Variants in JADE1 observed in about 807,000 individuals in gnomAD.
The protein encoded by JADE1 is jade family PHD finger 1.
A neutral mutation model predicts 81.8 loss-of-function variants in JADE1; 14 were observed. The observed-to-expected ratio is 0.17, with a 90% confidence interval of 0.11 to 0.27. The LOEUF is 0.27. Ranked by LOEUF, JADE1 falls within the 10% of genes least tolerant of loss-of-function variation. JADE1 has a pLI of 1.00. For missense variants in JADE1, 690 were observed against 1,047.9 expected (o/e 0.66, Z 4.71); for synonymous variants, 353 against 391.9 (o/e 0.90, Z 1.17).
intron 1 of JADE1, 195 bp from the exon 2 acceptor site, chr4:128,831,538 C>T (rs1218607019): frequency 7.4e-6 from 4 of 537,396 alleles, no homozygotes; most frequent in Non-Finnish European, 1.3e-5. Flanking sequence ...ACCCCTCCCC[C>T]TCCTTTTTTA....
chr4:128,871,828 A>G lies in JADE1; in HGVS notation c.2095A>G (p.Arg699Gly), dbSNP rs781255700. ...DVSQRHLDNT[R>G]AATSPGVGQS... ...GTCCCAGAGGCATCTGGACAACACA[A>G]GAGCTGCCACCTCCCCTGGAGTGGG... Residue 699 changes from arginine (R) to glycine (G), a missense_variant, in exon 11 of 11, where the codon AGA becomes GGA. Arg to Gly is a moderately radical substitution (Grantham distance 125, BLOSUM62 -2). Coordinates refer to ENST00000226319, the MANE Select transcript of JADE1 (RefSeq NM_199320.4). This position sits in a 1 kb window ranked among gnomAD's most constrained non-coding sequence, Gnocchi z 4.1. 19 of 1,614,132 alleles carry G rather than the reference A, an allele frequency of 1.2e-5. 1 individual carries two copies. In the South Asian group the frequency reaches 1.9e-4, roughly 16 times the overall value.
intron 9 of JADE1, among the ~76,000 whole-genome samples, chr4:128,866,266 C>T (rs1450886361): frequency 6.6e-6 from 1 of 152,072 alleles, no homozygotes; most frequent in Non-Finnish European, 1.5e-5. Context: ...TTTTTATTCT[C>T]AATTCTTTAA....
At chr4:128,830,826 T>C (rs746116713) in intron 1 of JADE1, among the ~76,000 whole-genome samples, 1 of 152,122 alleles carries the variant, frequency 6.6e-6, no homozygotes, top group African/African-American at 2.4e-5. Context: ...TTACTGGCCA[T>C]TCCGTCTCAG....
rs140399604 is a variant in JADE1, at chr4:128,866,887, G to A, written c.1504-969G>A. ...GCTGTGTCTGACATCTGTGTTTGCA[G>A]GTCCGTGTAATCTAATCAGGTTGAC... On this transcript the variant is annotated intron_variant, in intron 9 of 10. Coordinates refer to ENST00000226319, the MANE Select transcript of JADE1 (RefSeq NM_199320.4). Among the ~76,000 whole-genome samples, 4 of 152,324 alleles carry A rather than the reference G, an allele frequency of 2.6e-5. No individual in the cohort carries two copies. The East Asian group carries it at 7.7e-4, about 29-fold the overall frequency.
Position 128,848,973 on chromosome 4 carries a change from T to A in JADE1, c.297-7T>A. On this transcript the variant is annotated splice_region_variant and splice_polypyrimidine_tract_variant and intron_variant, in intron 4 of 10. Coordinates refer to ENST00000226319, the MANE Select transcript of JADE1 (RefSeq NM_199320.4). ...TAACCTGGCTGCCTTGTTTTTTTAT[T>A]ATCCAGGGTTGTGTCTGAAGAGAAA... 6.2e-7 allele frequency: 1 copy of A among 1,611,534 alleles called. No individual in the cohort carries two copies. The highest frequency in any genetic ancestry group is 8.5e-7 in the Non-Finnish European group (1 of 1,179,162).
chr4:128,830,158 G>A (rs1427565488), intron 1 of JADE1, among the ~76,000 whole-genome samples: 1 of 151,824 alleles, frequency 6.6e-6, no homozygotes, highest in Non-Finnish European at 1.5e-5. Context: ...TTACAGGTAT[G>A]AGCCACCACA....
chr4:128,834,472 C>T (rs900273532), intron 2 of JADE1, among the ~76,000 whole-genome samples: 1 of 151,148 alleles, frequency 6.6e-6, no homozygotes. Context: ...CTTCAAAGTA[C>T]GCATTTGGGG....
chr4:128,819,381 C>T (rs897452896), intron 1 of JADE1, among the ~76,000 whole-genome samples: 2 of 152,142 alleles, frequency 1.3e-5, no homozygotes, highest in African/African-American at 2.4e-5. Flanking sequence ...CCTGCCTTAG[C>T]TTCTGGAGTA....
At position 128,873,477 on chromosome 4, in the gene JADE1, G is replaced by A. The variant is rs1381145635; in HGVS notation, c.*1215G>A. 1.3e-5 allele frequency: 2 copies of A among 152,482 alleles called. No individual in the cohort carries two copies. Among genetic ancestry groups the A allele is most frequent in the Non-Finnish European group, 2.9e-5 (2 of 68,020 alleles). 9.4% of individuals were successfully genotyped at this position (152,482 alleles called of 1,614,324 possible). ...AATTTGTAACTTGGACTTTCTAATT[G>A]CAAATGGCAATAACTATTAAGTTAT... On this transcript the variant is annotated 3_prime_UTR_variant, in exon 11 of 11. Coordinates refer to ENST00000226319, the MANE Select transcript of JADE1 (RefSeq NM_199320.4).
chr4:128,867,659 A>G (rs1299579276), intron 9 of JADE1, among the ~76,000 whole-genome samples, 197 bp from the exon 10 acceptor site: 1 of 152,104 alleles, frequency 6.6e-6, no homozygotes, highest in African/African-American at 2.4e-5. Flanking sequence ...GCCTATGTTG[A>G]GGGCTATATG....
intron 1 of JADE1, among the ~76,000 whole-genome samples, chr4:128,813,548 A>G (rs1208160088): frequency 6.6e-6 from 1 of 151,750 alleles, no homozygotes; most frequent in Admixed American, 6.6e-5. Context: ...CCCCCTGAGT[A>G]GCTGGGACTA....
intron 1 of JADE1, among the ~76,000 whole-genome samples, chr4:128,810,909 T>TA (rs1261847344): frequency 2.0e-5 from 3 of 152,078 alleles, no homozygotes; most frequent in Non-Finnish European, 4.4e-5. Flanking sequence ...ATCGTGAACT[T>TA]AAAGGGGATT....
intron 1 of JADE1, among the ~76,000 whole-genome samples, chr4:128,824,030 T>C (rs1027947136): frequency 1.3e-4 from 20 of 152,192 alleles, no homozygotes; most frequent in African/African-American, 4.6e-4. Context: ...GAATATAATG[T>C]ATCTTTTTGG....
intron 4 of JADE1, among the ~76,000 whole-genome samples, chr4:128,847,409 C>T (rs915508940): frequency 3.3e-5 from 5 of 152,212 alleles, no homozygotes; most frequent in Admixed American, 3.3e-4. Context: ...ATTTTGGGAT[C>T]TCTGGGGAGT....
intron 8 of JADE1, among the ~76,000 whole-genome samples, chr4:128,859,902 C>T (rs924652369): frequency 6.6e-5 from 10 of 152,138 alleles, no homozygotes; most frequent in Non-Finnish European, 8.8e-5. Context: ...TAAAAGAATT[C>T]CTCTCTGAAA....
intron 1 of JADE1, among the ~76,000 whole-genome samples, chr4:128,816,883 CTT>C (rs765406971): frequency 9.0e-5 from 13 of 144,572 alleles, no homozygotes; most frequent in Admixed American, 1.4e-4. Context: ...TTTTCTCTCT[CTT>C]TTTTTTTTTT....
In JADE1 at chr4:128,833,673, G is replaced by A. The variant is rs554296186; in HGVS notation, c.52+1863G>A. Among the ~76,000 whole-genome samples, 31 of 152,266 alleles carry A rather than the reference G, an allele frequency of 2.0e-4. No homozygotes were observed. The South Asian group carries it at 5.8e-3, about 29-fold the overall frequency. ...CGTGGCCCCTGTACTCCAGCCTGGC[G>A]ACAGAGCGAGACTCCGTCTCGAAAA... On this transcript the variant is annotated intron_variant, in intron 2 of 10. Coordinates refer to ENST00000226319, the MANE Select transcript of JADE1 (RefSeq NM_199320.4).
rs376560135 is a variant in JADE1 at position 128,867,063 on chromosome 4, A to G, written c.1504-793A>G. On this transcript the variant is annotated intron_variant, in intron 9 of 10. Transcript: ENST00000226319. The stretch of plus-strand genomic sequence containing the variant: ...ATGTGATCCAAAGCAGTCACACATC[A>G]GATAGGAAGTAGAGCCAACTCTTAG... Among the ~76,000 whole-genome samples the G allele has an allele frequency of 2.6e-5, 4 of 152,340 alleles. No individual in the cohort carries two copies. In the East Asian group the frequency reaches 7.7e-4, roughly 29 times the overall value.
chr4:128,851,983 T>C (rs780120272), intron 5 of JADE1, 74 bp from the exon 6 acceptor site: 1 of 897,334 alleles, frequency 1.1e-6, no homozygotes, highest in East Asian at 2.7e-5. Context: ...TAAGTATAAA[T>C]AAACCAGTAC....
Sources: gnomAD v4.1 joint callset for allele counts (sites outside exome capture counted in the v4.1 genomes callset) on GRCh38, gnomAD v4.1.1 for gene constraint, Gnocchi (gnomAD v3.1) non-coding constraint, MANE v1.5 for transcripts, NCBI Gene and HGNC (gene_info 2026-07-23, HGNC 2026-07-21) for gene names.